Variants in ZFHX3 observed in about 807,000 individuals in gnomAD.
ZFHX3 encodes zinc finger homeobox 3.
Under a neutral mutation model 279.1 loss-of-function variants are expected in ZFHX3, and 42 were observed. That is an observed-to-expected ratio of 0.15 (90% CI 0.12 to 0.19). ZFHX3 has a LOEUF of 0.19. ZFHX3 is among the 10% of genes least tolerant of loss of function. The pLI, the probability that ZFHX3 is intolerant of heterozygous loss-of-function variation, is 1.00. For synonymous variants in ZFHX3, 2,293 were observed against 1,957.8 expected (o/e 1.17, Z -4.52); for missense variants, 4,981 against 4,754.0 (o/e 1.05, Z -1.40).
At chr16:73,397,183 A>G (rs34228296) in intron 3 of ZFHX3, among the ~76,000 whole-genome samples, 32,473 of 152,300 alleles carry the variant, frequency 0.21, 3,600 homozygotes, top group East Asian at 0.35. Context: ...AGTAAATACC[A>G]AAGATAATCA....
chr16:73,878,079 G>A (rs2030012471), intron 1 of ZFHX3, among the ~76,000 whole-genome samples: 1 of 151,934 alleles, frequency 6.6e-6, no homozygotes, highest in Admixed American at 6.6e-5. Flanking sequence ...TACTTAAAGT[G>A]AGGGACCCTC....
chr16:73,868,757 G>A (rs191318872), intron 1 of ZFHX3, among the ~76,000 whole-genome samples: 29 of 151,840 alleles, frequency 1.9e-4, no homozygotes, highest in African/African-American at 7.0e-4. Flanking sequence ...GTACACTGAA[G>A]GGTTTCTTTC....
rs899680963 is a variant in ZFHX3 at position 72,794,293 on chromosome 16, T to C, written c.8389A>G (p.Arg2797Gly). The C allele has an allele frequency of 1.2e-6, 2 of 1,611,894 alleles. No individual in the cohort carries two copies. The highest frequency in any genetic ancestry group is 1.7e-6 in the Non-Finnish European group (2 of 1,178,740). ...PVSKTMELSPRTLLSPSSIKV... is the reference protein window; with the variant it reads ...PVSKTMELSPGTLLSPSSIKV... ...ATGGAGGAAGGGCTTAGAAGAGTTC[T>C]GGGTGACAATTCCATGGTTTTACTC... The change falls in exon 9 of 10, where the codon AGA becomes GGA. Residue 2797 changes from arginine to glycine, a missense_variant. Physicochemically the swap from Arg to Gly is moderately radical, Grantham distance 125 (BLOSUM62 -2). Transcript: ENST00000268489. The surrounding 1 kb of genome is among the most constrained non-coding windows in gnomAD (Gnocchi z 4.2).
At chr16:73,241,788 C>T (rs1329877894) in intron 5 of ZFHX3, among the ~76,000 whole-genome samples, 1 of 59,780 alleles carries the variant, frequency 1.7e-5, no homozygotes, top group East Asian at 7.9e-4. Flanking sequence ...AAAACTCCGT[C>T]TCAAAAAAAA....
At chr16:73,597,154 T>C (rs1211760994) in intron 2 of ZFHX3, among the ~76,000 whole-genome samples, 2 of 152,178 alleles carry the variant, frequency 1.3e-5, no homozygotes, top group Non-Finnish European at 2.9e-5. Flanking sequence ...TTCCAAACTC[T>C]CTCAGTACGT....
intron 7 of ZFHX3, among the ~76,000 whole-genome samples, chr16:72,805,558 T>C (rs148194173): frequency 1.0e-3 from 157 of 152,316 alleles, no homozygotes; most frequent in African/African-American, 3.6e-3. Context: ...TCCTTGTGGA[T>C]GAGACTGGTT....
chr16:73,582,256 T>C (rs1301768764), intron 2 of ZFHX3, among the ~76,000 whole-genome samples: 4 of 151,790 alleles, frequency 2.6e-5, no homozygotes, highest in African/African-American at 4.9e-5. Context: ...AAGTCTACCA[T>C]GGCGAAGTGG....
chr16:73,328,634 A>G (rs2015740336), intron 3 of ZFHX3, among the ~76,000 whole-genome samples: 1 of 152,212 alleles, frequency 6.6e-6, no homozygotes, highest in Non-Finnish European at 1.5e-5. Context: ...GTTCTCTCTC[A>G]GCTATTCTAT....
chr16:73,762,048 C>A (rs543614983), intron 1 of ZFHX3, among the ~76,000 whole-genome samples: 2 of 151,844 alleles, frequency 1.3e-5, no homozygotes, highest in Non-Finnish European at 2.9e-5. Context: ...AACAGACAAC[C>A]TACAGAATGG....
chr16:73,165,772 G>A (rs989202986), intron 5 of ZFHX3, among the ~76,000 whole-genome samples: 2 of 152,082 alleles, frequency 1.3e-5, no homozygotes, highest in African/African-American at 4.8e-5. Flanking sequence ...ATAAGTTTGG[G>A]GAATAAAAAT....
intron 1 of ZFHX3, among the ~76,000 whole-genome samples, chr16:73,821,518 C>T (rs981078805): frequency 1.3e-5 from 2 of 152,210 alleles, no homozygotes; most frequent in Non-Finnish European, 2.9e-5. Context: ...CAGCTGTAAA[C>T]TGGGAATTAC....
At chr16:73,232,658 C>G (rs1344826967) in intron 5 of ZFHX3, 1 of 152,146 alleles carries the variant, frequency 6.6e-6, no homozygotes, top group African/African-American at 2.4e-5. Flanking sequence ...CAAAGTGACT[C>G]ACAGTTTTGG....
intron 5 of ZFHX3, among the ~76,000 whole-genome samples, chr16:73,180,773 G>T (rs887915072): frequency 6.6e-6 from 1 of 150,798 alleles, no homozygotes; most frequent in African/African-American, 2.4e-5. Context: ...AGCGATTCTC[G>T]TGCCTCAGCC....
intron 1 of ZFHX3, among the ~76,000 whole-genome samples, chr16:72,993,158 AG>A (rs1826358454): frequency 6.6e-6 from 1 of 152,186 alleles, no homozygotes; most frequent in East Asian, 1.9e-4. Context: ...AAAAAAAACA[AG>A]AACTGCAAAA....
chr16:73,131,151 T>C (rs1198115203), intron 6 of ZFHX3: 8 of 447,134 alleles, frequency 1.8e-5, no homozygotes, highest in Admixed American at 2.7e-5. Flanking sequence ...GAGAATTCAA[T>C]GAAAGAACAT....
At chr16:72,906,414 C>G (rs925834530) in intron 3 of ZFHX3, among the ~76,000 whole-genome samples, 1 of 151,898 alleles carries the variant, frequency 6.6e-6, no homozygotes, top group Non-Finnish European at 1.5e-5. Flanking sequence ...CATCGCCAAT[C>G]TTATTCCAGA....
intron 5 of ZFHX3, among the ~76,000 whole-genome samples, chr16:73,216,394 G>C (rs182050854): frequency 9.6e-4 from 146 of 152,222 alleles, no homozygotes; most frequent in African/African-American, 3.3e-3. Flanking sequence ...ATTGGTTCCC[G>C]TCCTCTGGGT....
chr16:73,214,559 T>G (rs371244592), intron 5 of ZFHX3, among the ~76,000 whole-genome samples: 2 of 152,220 alleles, frequency 1.3e-5, no homozygotes, highest in Non-Finnish European at 2.9e-5. Context: ...TGCTTCGTTC[T>G]TCACTTGTCT....
intron 5 of ZFHX3, among the ~76,000 whole-genome samples, chr16:73,165,270 C>T (rs1421667910): frequency 6.6e-6 from 1 of 152,146 alleles, no homozygotes; most frequent in African/African-American, 2.4e-5. Flanking sequence ...AAAAATTGGA[C>T]TAAGTTAGTA....
Sources: gnomAD v4.1 joint callset for allele counts (sites outside exome capture counted in the v4.1 genomes callset) on GRCh38, gnomAD v4.1.1 for gene constraint, Gnocchi (gnomAD v3.1) non-coding constraint, MANE v1.5 for transcripts, NCBI Gene and HGNC (gene_info 2026-07-23, HGNC 2026-07-21) for gene names.